Variants in PDE4B observed in about 807,000 individuals in gnomAD.
PDE4B encodes 3',5'-cyclic-AMP phosphodiesterase 4B.
In PDE4B, 20 loss-of-function variants were observed where a neutral mutation model predicts 82.2. The observed-to-expected ratio is 0.24, with a 90% confidence interval of 0.17 to 0.35. The LOEUF is 0.35. PDE4B is among the 10% of genes least tolerant of loss of function. The pLI, the probability that PDE4B is intolerant of heterozygous loss-of-function variation, is 1.00. For missense variants in PDE4B, 655 were observed against 907.2 expected, an observed-to-expected ratio of 0.72 and a Z score of 3.57; for synonymous variants, 320 against 318.9, an observed-to-expected ratio of 1.00 and a Z score of -0.04.
At chr1:66,067,977 A>C (rs1570139782) in intron 3 of PDE4B, among the ~76,000 whole-genome samples, 1 of 151,362 alleles carries the variant, frequency 6.6e-6, no homozygotes, top group East Asian at 1.9e-4. Flanking sequence ...TAGCATTAGG[A>C]GGTATACCTA....
chr1:66,225,158 G>A (rs1298267722), intron 3 of PDE4B, among the ~76,000 whole-genome samples: 1 of 152,056 alleles, frequency 6.6e-6, no homozygotes, highest in Non-Finnish European at 1.5e-5. Flanking sequence ...CATTAAAGAA[G>A]CCTACATGGG....
chr1:66,189,551 T>C (rs977788849), intron 3 of PDE4B, among the ~76,000 whole-genome samples: 2 of 152,226 alleles, frequency 1.3e-5, no homozygotes, highest in Admixed American at 6.5e-5. Context: ...CTTTTTTCTC[T>C]ATACTTCTCT....
At chr1:65,814,311 T>C (rs886287784) in intron 1 of PDE4B, among the ~76,000 whole-genome samples, 2 of 152,210 alleles carry the variant, frequency 1.3e-5, no homozygotes, top group Non-Finnish European at 1.5e-5. Flanking sequence ...TATGTACATA[T>C]GTTTAGATGC....
chr1:65,820,340 G>C (rs1413561612), intron 1 of PDE4B, among the ~76,000 whole-genome samples: 1 of 152,066 alleles, frequency 6.6e-6, no homozygotes, highest in East Asian at 1.9e-4. Flanking sequence ...AATTCACTAT[G>C]GAAAAAAGAA....
At chr1:65,912,933 A>G (rs1479300488) in intron 1 of PDE4B, among the ~76,000 whole-genome samples, 1 of 152,216 alleles carries the variant, frequency 6.6e-6, no homozygotes, top group Admixed American at 6.5e-5. Flanking sequence ...TATACTTTGT[A>G]AACTATAAAA....
chr1:65,805,801 C>A (rs1332881329), intron 1 of PDE4B, among the ~76,000 whole-genome samples: 1 of 152,140 alleles, frequency 6.6e-6, no homozygotes. Context: ...TGTTGGCTGT[C>A]ATTTTAGCCA....
intron 1 of PDE4B, among the ~76,000 whole-genome samples, chr1:65,876,252 A>G (rs1387310834): frequency 6.6e-6 from 1 of 152,128 alleles, no homozygotes; most frequent in Non-Finnish European, 1.5e-5. Context: ...TATTATAAAC[A>G]TTTCTGTGTA....
chr1:65,804,306 TA>T (rs1310537142), intron 1 of PDE4B, among the ~76,000 whole-genome samples: 1 of 152,234 alleles, frequency 6.6e-6, no homozygotes, highest in African/African-American at 2.4e-5. Context: ...AGATCAATGC[TA>T]ATGTGTGGGG....
intron 8 of PDE4B, among the ~76,000 whole-genome samples, chr1:66,349,106 C>A (rs1661631385): frequency 6.6e-6 from 1 of 151,932 alleles, no homozygotes; most frequent in African/African-American, 2.4e-5. Flanking sequence ...CTGTTCAAGC[C>A]CTAATCTCAT....
In PDE4B at chr1:66,372,728, G is replaced by C; in HGVS notation, c.*50G>C. 2 of 1,565,834 alleles carry C rather than the reference G, an allele frequency of 1.3e-6. No homozygotes were observed. The highest frequency in any genetic ancestry group is 1.2e-5 in the South Asian group (1 of 82,552). On this transcript the variant is annotated 3_prime_UTR_variant, in exon 17 of 17. Transcript: ENST00000341517. Reference sequence around the variant, plus strand: ...CATTCTATCCTTGATGAGCATGCCAGCTATGTGGTAGGGCCAGCCCACCAT... The same window carrying C: ...CATTCTATCCTTGATGAGCATGCCACCTATGTGGTAGGGCCAGCCCACCAT...
intron 1 of PDE4B, among the ~76,000 whole-genome samples, chr1:65,886,912 T>C (rs370299441): frequency 6.6e-6 from 1 of 152,158 alleles, no homozygotes; most frequent in Non-Finnish European, 1.5e-5. Context: ...TGCTAAATTA[T>C]ATTTTTGTTG....
At chr1:66,301,652 G>A (rs1458865575) in intron 7 of PDE4B, among the ~76,000 whole-genome samples, 1 of 151,150 alleles carries the variant, frequency 6.6e-6, no homozygotes, top group Admixed American at 6.6e-5. Context: ...GCATATAAAT[G>A]TAATCTCATG....
chr1:65,873,378 T>C (rs1351210199), intron 1 of PDE4B, among the ~76,000 whole-genome samples: 1 of 152,152 alleles, frequency 6.6e-6, no homozygotes, highest in Non-Finnish European at 1.5e-5. Context: ...ATACATTTGT[T>C]TGAACTTTCT....
At chr1:66,151,113 C>A (rs779961233) in intron 3 of PDE4B, among the ~76,000 whole-genome samples, 2 of 152,022 alleles carry the variant, frequency 1.3e-5, no homozygotes, top group African/African-American at 2.4e-5. Flanking sequence ...TAAGGATTTG[C>A]GTTACTTCTT....
chr1:66,266,835 G>A, intron 7 of PDE4B: 2 of 389,464 alleles, frequency 5.1e-6, no homozygotes, highest in South Asian at 2.0e-5. Context: ...TCCTAAATCT[G>A]TTCCCTACTA....
chr1:65,963,586 G>T (rs1649656404), intron 3 of PDE4B, among the ~76,000 whole-genome samples: 1 of 152,158 alleles, frequency 6.6e-6, no homozygotes, highest in African/African-American at 2.4e-5. Context: ...TGTGATTGTT[G>T]TCAGCTTATC....
intron 3 of PDE4B, among the ~76,000 whole-genome samples, chr1:66,208,016 T>G (rs1434508042): frequency 1.3e-5 from 2 of 152,166 alleles, no homozygotes; most frequent in African/African-American, 4.8e-5. Flanking sequence ...TTAGACTAAT[T>G]TTAAATAAAT....
intron 3 of PDE4B, among the ~76,000 whole-genome samples, chr1:66,045,076 G>A (rs908808404): frequency 2.0e-5 from 3 of 151,784 alleles, no homozygotes; most frequent in African/African-American, 7.2e-5. Context: ...GCATGATGAA[G>A]GTCAAACTCC....
At chr1:65,809,868 A>G (rs901127543) in intron 1 of PDE4B, among the ~76,000 whole-genome samples, 2 of 152,250 alleles carry the variant, frequency 1.3e-5, no homozygotes, top group Non-Finnish European at 2.9e-5. Context: ...TTAGAGATAG[A>G]ATGACAAATA....
Sources: allele counts gnomAD v4.1 joint callset (sites outside exome capture counted in the v4.1 genomes callset), GRCh38; gene constraint gnomAD v4.1.1; transcripts MANE v1.5; gene names NCBI Gene and HGNC (gene_info 2026-07-23, HGNC 2026-07-21).